The following ITPRID1 variants were observed in gnomAD, a reference collection of about 807,000 sequenced individuals.
ITPRID1 encodes protein ITPRID1.
In ITPRID1, 96 loss-of-function variants were observed where a neutral mutation model predicts 95.4. That is an observed-to-expected ratio of 1.01 (90% CI 0.85 to 1.19). ITPRID1 has a LOEUF of 1.19. ITPRID1 is among the 50% of genes most tolerant of loss of function. The pLI is 0.00. For missense variants in ITPRID1, 1,339 were observed against 1,252.9 expected (o/e 1.07, Z -1.04); for synonymous variants, 510 against 453.6 (o/e 1.12, Z -1.58).
At chr7:31,656,984 G>A (rs1791333976), downstream of ITPRID1, among the ~76,000 whole-genome samples, 1 of 147,946 alleles carries the variant, frequency 6.8e-6, no homozygotes, top group African/African-American at 2.5e-5. Flanking sequence ...AGGCCTTTAG[G>A]CTCAGACTGA....
rs376930954 is a variant in ITPRID1 at position 31,627,267 on chromosome 7, C to T, written c.1229-14909C>T. On this transcript the variant is annotated intron_variant, in intron 10 of 14. Transcript: ENST00000615280. ...GTGAGACTACATCAAATAATTTTAT[C>T]AAAATTTAAAATGGGTTGGAATCAG... Among the ~76,000 whole-genome samples, 28 of 152,126 alleles carry T rather than the reference C, an allele frequency of 1.8e-4. No individual in the cohort carries two copies. In the South Asian group the frequency reaches 5.6e-3, roughly 31 times the overall value.
intron 10 of ITPRID1, among the ~76,000 whole-genome samples, chr7:31,597,476 A>G (rs893490803): frequency 5.9e-5 from 9 of 151,400 alleles, no homozygotes; most frequent in African/African-American, 2.2e-4. Flanking sequence ...ACCAACTGGA[A>G]GCACATTAAA....
intron 10 of ITPRID1, among the ~76,000 whole-genome samples, chr7:31,601,996 T>C (rs544134712): frequency 6.6e-6 from 1 of 152,148 alleles, no homozygotes; most frequent in Admixed American, 6.5e-5. Flanking sequence ...TTCTCCATAA[T>C]GTAGTCTCTG....
chr7:31,636,152 C>T (rs1041414081), intron 10 of ITPRID1, among the ~76,000 whole-genome samples: 7 of 152,042 alleles, frequency 4.6e-5, no homozygotes, highest in Non-Finnish European at 7.4e-5. Flanking sequence ...GGTGGCAAAC[C>T]GCCCCCATAA....
intron 10 of ITPRID1, among the ~76,000 whole-genome samples, chr7:31,610,261 T>A (rs907346468): frequency 4.0e-5 from 6 of 151,518 alleles, no homozygotes; most frequent in Non-Finnish European, 8.9e-5. Flanking sequence ...TCATAGATAT[T>A]ATTTTTTTAG....
chr7:31,617,109 G>A (rs116705375), intron 10 of ITPRID1, among the ~76,000 whole-genome samples: 6 of 152,170 alleles, frequency 3.9e-5, no homozygotes, highest in Admixed American at 2.6e-4. Context: ...TGGTGGGTGA[G>A]CTCGTCCCGG....
Position 31,643,202 on chromosome 7 carries a change from A to C in ITPRID1, c.1832A>C (p.His611Pro), listed in dbSNP as rs550312569. 3.7e-6 allele frequency: 6 copies of C among 1,613,990 alleles called. No individual in the cohort carries two copies. In the South Asian group the frequency reaches 4.4e-5, roughly 12 times the overall value. The change falls in exon 12 of 15, where the codon CAT becomes CCT. Residue 611 changes from histidine (H) to proline (P), a missense_variant. Physicochemically the swap from His to Pro is moderately conservative, Grantham distance 77. Transcript: ENST00000615280. ...GATCATACTCAAGACAAGTTCCTTCATGTTGACTCTGAGGCCCCACGAGAA... is the reference window on the plus strand; with the variant it reads ...GATCATACTCAAGACAAGTTCCTTCCTGTTGACTCTGAGGCCCCACGAGAA... The part of the protein sequence containing the change: ...GNDHTQDKFL[H>P]VDSEAPREEE...
At chr7:31,649,145 G>A (rs998306849) in intron 12 of ITPRID1, among the ~76,000 whole-genome samples, 1 of 152,240 alleles carries the variant, frequency 6.6e-6, no homozygotes, top group African/African-American at 2.4e-5. Context: ...ATAAAAGCGA[G>A]AGGATAGAAT....
chr7:31,577,933 C>T lies in ITPRID1; in HGVS notation c.669C>T (p.Ser223=). 1.2e-6 allele frequency: 2 copies of T among 1,613,592 alleles called. No individual in the cohort carries two copies. The highest frequency in any genetic ancestry group is 8.5e-7 in the Non-Finnish European group (1 of 1,179,754). Reference sequence around the variant, plus strand: ...TCTCATCTCTGCTGAGTGATGTCAGCATCCTGCCAAACAGAGCTGAAGAGA... The same window carrying T: ...TCTCATCTCTGCTGAGTGATGTCAGTATCCTGCCAAACAGAGCTGAAGAGA... ...NAFSSLLSDV[S]ILPNRAEEKA... The change falls in exon 9 of 15, where the codon AGC becomes AGT. Residue 223 remains serine (S), a synonymous_variant. Transcript: ENST00000615280.
chr7:31,578,485 T>G, intron 9 of ITPRID1, 51 bp downstream of exon 9: 1 of 1,364,324 alleles, frequency 7.3e-7, no homozygotes, highest in Non-Finnish European at 1.0e-6. Flanking sequence ...ACCTTCACTA[T>G]GACACCCTTG....
chr7:31,570,822 C>A (rs991543497), intron 6 of ITPRID1, among the ~76,000 whole-genome samples: 3 of 151,870 alleles, frequency 2.0e-5, no homozygotes, highest in Admixed American at 6.6e-5. Context: ...AAGGTGTGGC[C>A]CTCAAACAAA....
At chr7:31,548,859 A>T (rs1784188261) in intron 1 of ITPRID1, among the ~76,000 whole-genome samples, 1 of 152,078 alleles carries the variant, frequency 6.6e-6, no homozygotes, top group Non-Finnish European at 1.5e-5. Context: ...CATGAATGGC[A>T]TCATGGTTGG....
At chr7:31,644,856 G>A (rs578237009) in intron 12 of ITPRID1, among the ~76,000 whole-genome samples, 9 of 152,332 alleles carry the variant, frequency 5.9e-5, no homozygotes, top group East Asian at 1.9e-4. Context: ...TATTCAGAGC[G>A]GGGTGAAGTG....
chr7:31,571,639 C>T (rs976816966), intron 6 of ITPRID1, among the ~76,000 whole-genome samples: 1 of 152,286 alleles, frequency 6.6e-6, no homozygotes, highest in Non-Finnish European at 1.5e-5. Flanking sequence ...TGGATGGCTA[C>T]AGGAGCCCTG....
At chr7:31,648,608 C>T (rs1267647846) in intron 12 of ITPRID1, among the ~76,000 whole-genome samples, 1 of 152,132 alleles carries the variant, frequency 6.6e-6, no homozygotes, top group Admixed American at 6.5e-5. Context: ...AAGGCTACCC[C>T]AAAATAACTA....
rs143370840 is a variant in ITPRID1, at chr7:31,574,741, C to T, written c.597C>T (p.Tyr199=). The change falls in exon 8 of 15, where the codon TAC becomes TAT. Residue 199 remains tyrosine (Y), a splice_region_variant and synonymous_variant. Coordinates refer to ENST00000615280, the MANE Select transcript of ITPRID1 (RefSeq NM_001257967.3). The part of the protein sequence containing the change: ...QRMDIENPNL[Y]GRFRQLEILD... Reference sequence around the variant, plus strand: ...TGGACATTGAGAACCCCAACTTGTACGGTAAGCGAGGTGCCTGTGGCATTC... The same window carrying T: ...TGGACATTGAGAACCCCAACTTGTATGGTAAGCGAGGTGCCTGTGGCATTC... 1,216 of 1,613,514 alleles carry T rather than the reference C, an allele frequency of 7.5e-4. 3 individuals are homozygous for T. The highest frequency in any genetic ancestry group is 4.6e-3 in the Admixed American group (276 of 59,956).
intron 1 of ITPRID1, among the ~76,000 whole-genome samples, chr7:31,543,350 C>A (rs10245230): frequency 4.6e-5 from 7 of 151,726 alleles, no homozygotes; most frequent in Non-Finnish European, 8.8e-5. Context: ...GTAATTCAGT[C>A]GGCTGGGAAA....
chr7:31,639,564 TCTCA>T (rs1339691266), intron 10 of ITPRID1, among the ~76,000 whole-genome samples: 5 of 141,626 alleles, frequency 3.5e-5, no homozygotes, highest in African/African-American at 1.1e-4. Flanking sequence ...TGAGATGGAG[TCTCA>T]CTCTGTCTCC....
intron 10 of ITPRID1, among the ~76,000 whole-genome samples, chr7:31,593,814 A>G (rs761890450): frequency 7.2e-5 from 11 of 152,162 alleles, no homozygotes; most frequent in Admixed American, 6.5e-5. Flanking sequence ...CACAATAATA[A>G]TCTACTTTTA....
Sources: allele counts gnomAD v4.1 joint callset (sites outside exome capture counted in the v4.1 genomes callset), GRCh38; gene constraint gnomAD v4.1.1; transcripts MANE v1.5; gene names NCBI Gene and HGNC (gene_info 2026-07-23, HGNC 2026-07-21).